MAML2: variants seen among roughly 807,000 people sequenced by gnomAD.
The protein encoded by MAML2 is mastermind-like protein 2.
MAML2 carries 22 observed loss-of-function variants against 96.1 expected under a neutral mutation model. The ratio of observed to expected loss-of-function variants is 0.23; its 90% CI spans 0.16 to 0.33. MAML2 has a LOEUF of 0.33. Among genes scored for constraint, MAML2 ranks in the 10% least tolerant of loss-of-function variants. The probability of loss-of-function intolerance (pLI) is 1.00; values close to 1 mark genes in which losing one functional copy is unlikely to be tolerated. For synonymous variants in MAML2, 561 were observed against 521.3 expected (o/e 1.08, Z -1.04); for missense variants, 1,367 against 1,392.4 (o/e 0.98, Z 0.29).
At chr11:96,043,291 C>G (rs536768436) in intron 2 of MAML2, among the ~76,000 whole-genome samples, 1 of 152,308 alleles carries the variant, frequency 6.6e-6, no homozygotes, top group African/African-American at 2.4e-5. Context: ...AGAATCAGCA[C>G]TATGACTAGA....
At chr11:96,068,478 A>ACACACACACACACG (rs71040127) in intron 2 of MAML2, among the ~76,000 whole-genome samples, 1 of 150,692 alleles carries the variant, frequency 6.6e-6, no homozygotes, top group Non-Finnish European at 1.5e-5. Context: ...ACACACACAC[A>ACACACACACACACG]GAGGGAGGGA....
rs758891662 is a variant in MAML2, at chr11:96,341,945, G to A, written c.-50C>T. 6 of 1,451,490 alleles carry A rather than the reference G, an allele frequency of 4.1e-6. No homozygotes were observed. In the South Asian group the frequency reaches 7.1e-5, roughly 17 times the overall value. The allele number at this position is 1,451,490 out of a possible 1,614,324, so 89.9% of individuals were successfully genotyped here. Reference sequence around the variant, plus strand: ...CTCTGGGATGGTGAGGTGGAAAGAGGCTACTGCTGGCTATTGCAGGCAAGT... The same window carrying A: ...CTCTGGGATGGTGAGGTGGAAAGAGACTACTGCTGGCTATTGCAGGCAAGT... On this transcript the variant is annotated 5_prime_UTR_variant, in exon 1 of 5. Transcript: ENST00000524717.
intron 1 of MAML2, among the ~76,000 whole-genome samples, chr11:96,251,307 G>A (rs1397865785): frequency 6.6e-6 from 1 of 152,206 alleles, no homozygotes; most frequent in Non-Finnish European, 1.5e-5. Context: ...AGAATTCACA[G>A]CATGTGCTAT....
intron 2 of MAML2, among the ~76,000 whole-genome samples, chr11:96,005,090 T>C (rs1263441977): frequency 6.6e-6 from 1 of 152,206 alleles, no homozygotes; most frequent in Non-Finnish European, 1.5e-5. Context: ...CAGACACAAA[T>C]GCCAGTGCAT....
chr11:96,314,480 C>T (rs1307778988), intron 1 of MAML2, among the ~76,000 whole-genome samples: 2 of 152,214 alleles, frequency 1.3e-5, no homozygotes, highest in African/African-American at 2.4e-5. Flanking sequence ...TGAGGCCTCA[C>T]CCACTCCCAG....
intron 3 of MAML2, among the ~76,000 whole-genome samples, chr11:95,990,638 T>C (rs1857894123): frequency 6.6e-6 from 1 of 152,214 alleles, no homozygotes; most frequent in African/African-American, 2.4e-5. Context: ...GCCTTGTTTA[T>C]GGCTCTCCCC....
chr11:96,251,304 A>G (rs1441154398), intron 1 of MAML2, among the ~76,000 whole-genome samples: 1 of 152,260 alleles, frequency 6.6e-6, no homozygotes, highest in African/African-American at 2.4e-5. Context: ...GCTAGAATTC[A>G]CAGCATGTGC....
intron 1 of MAML2, among the ~76,000 whole-genome samples, chr11:96,098,516 C>T (rs762600559): frequency 5.9e-5 from 9 of 152,164 alleles, no homozygotes; most frequent in African/African-American, 1.7e-4. Flanking sequence ...ACTGGCCATC[C>T]GAGGAAGGGG....
intron 1 of MAML2, among the ~76,000 whole-genome samples, chr11:96,276,339 C>A (rs887083183): frequency 2.0e-5 from 3 of 152,184 alleles, no homozygotes; most frequent in Non-Finnish European, 4.4e-5. Flanking sequence ...CTTGCCATCT[C>A]TCTCTCTTGG....
At chr11:96,139,546 T>C (rs1441916033) in intron 1 of MAML2, among the ~76,000 whole-genome samples, 1 of 151,194 alleles carries the variant, frequency 6.6e-6, no homozygotes, top group Admixed American at 6.6e-5. Context: ...CAGTTCCTTT[T>C]TTTTTTTTGA....
At position 95,979,859 on chromosome 11, in the gene MAML2, C is replaced by A; in HGVS notation, c.2560G>T (p.Gly854Trp). ...PNSSLLSTSH[G>W]TRMPSLSTAV... ...GTAGATAATGATGGCATTCTTGTCC[C>A]GTGAGAAGTAGACAGGAGGCTGGAA... The change falls in exon 5 of 5, where the codon GGG becomes TGG. Residue 854 changes from glycine (G) to tryptophan (W), a missense_variant. Physicochemically the swap from Gly to Trp is radical, Grantham distance 184. Transcript: ENST00000524717. The A allele has an allele frequency of 6.2e-7, 1 of 1,613,824 alleles. No individual in the cohort carries two copies. The highest frequency in any genetic ancestry group is 8.5e-7 in the Non-Finnish European group (1 of 1,179,854).
Position 96,092,872 on chromosome 11 carries a change from C to A in MAML2, c.1159G>T (p.Ala387Ser). The A allele has an allele frequency of 6.2e-7, 1 of 1,605,456 alleles. No homozygotes were observed. Among genetic ancestry groups the A allele is most frequent in the Admixed American group, 1.7e-5 (1 of 59,394 alleles). ...SGSPQLRPPS[A>S]GPAFSMANSA... ...TTGGCCATGGAGAATGCGGGGCCAG[C>A]TGATGGGGGCCTCAGCTGAGGAGAG... Residue 387 changes from alanine (A) to serine (S), a missense_variant, in exon 2 of 5, where the codon GCT becomes TCT. By Grantham distance (99) the Ala-to-Ser change is moderately conservative. Coordinates refer to ENST00000524717, the MANE Select transcript of MAML2 (RefSeq NM_032427.4). The surrounding 1 kb of genome is among the most constrained non-coding windows in gnomAD (Gnocchi z 4.1).
intron 1 of MAML2, among the ~76,000 whole-genome samples, chr11:96,252,561 G>A (rs2135967772): frequency 6.6e-6 from 1 of 152,008 alleles, no homozygotes; most frequent in South Asian, 2.1e-4. Context: ...AAGTAGCTGG[G>A]ACTACAGGCG....
intron 1 of MAML2, among the ~76,000 whole-genome samples, chr11:96,200,646 A>G (rs547815697): frequency 2.6e-5 from 4 of 152,164 alleles, no homozygotes; most frequent in Non-Finnish European, 5.9e-5. Flanking sequence ...TCAATCCACC[A>G]TGTCTTCCTG....
chr11:96,116,762 G>C (rs1189884733), intron 1 of MAML2, among the ~76,000 whole-genome samples: 1 of 152,220 alleles, frequency 6.6e-6, no homozygotes, highest in African/African-American at 2.4e-5. Context: ...GGCGAAGAGA[G>C]TGAGGATTTC....
At chr11:96,091,393 A>T (rs1307379030) in intron 2 of MAML2, among the ~76,000 whole-genome samples, 1 of 152,186 alleles carries the variant, frequency 6.6e-6, no homozygotes, top group Non-Finnish European at 1.5e-5. Flanking sequence ...CATCACAGGG[A>T]GTCATCGCAG....
chr11:96,290,158 C>A (rs992531023), intron 1 of MAML2, among the ~76,000 whole-genome samples: 2 of 152,120 alleles, frequency 1.3e-5, no homozygotes, highest in African/African-American at 4.8e-5. Flanking sequence ...TTGGCAATAT[C>A]TTACTCCTTG....
intron 1 of MAML2, among the ~76,000 whole-genome samples, chr11:96,312,343 C>T (rs1233911161): frequency 6.6e-6 from 1 of 151,232 alleles, no homozygotes; most frequent in Non-Finnish European, 1.5e-5. Flanking sequence ...TCCTAAAGGG[C>T]ATTTTCTTCT....
chr11:96,280,882 A>T (rs1863054966), intron 1 of MAML2, among the ~76,000 whole-genome samples: 1 of 152,220 alleles, frequency 6.6e-6, no homozygotes, highest in Admixed American at 6.5e-5. Context: ...ATAAGCTCCC[A>T]GAGGGGTAGG....
Sources: allele counts gnomAD v4.1 joint callset (sites outside exome capture counted in the v4.1 genomes callset), GRCh38; gene constraint gnomAD v4.1.1; non-coding constraint Gnocchi (gnomAD v3.1); transcripts MANE v1.5; gene names NCBI Gene and HGNC (gene_info 2026-07-23, HGNC 2026-07-21).